UMAD1: variants seen among roughly 807,000 people sequenced by gnomAD.
UMAD1 encodes UBAP1-MVB12-associated (UMA)-domain containing protein 1.
UMAD1 carries 8 observed loss-of-function variants against 6.1 expected under a neutral mutation model. The observed-to-expected ratio is 1.30, with a 90% CI of 0.76 to 2.35. The LOEUF (loss-of-function observed/expected upper bound fraction) is 2.35. Ranked by LOEUF, UMAD1 falls within the 30% of genes most tolerant of loss-of-function variation. UMAD1 has a pLI of 0.00. For synonymous variants in UMAD1, 56 were observed against 31.4 expected, an observed-to-expected ratio of 1.78 and a Z score of -2.61; for missense variants, 130 against 78.4, an observed-to-expected ratio of 1.66 and a Z score of -2.49.
chr7:7,859,810 T>C (rs1440671298), intron 3 of UMAD1, among the ~76,000 whole-genome samples: 2 of 152,240 alleles, frequency 1.3e-5, no homozygotes, highest in Non-Finnish European at 2.9e-5. Flanking sequence ...CCTTAAGAAT[T>C]GATTATCCAT....
intron 2 of UMAD1, among the ~76,000 whole-genome samples, chr7:7,770,825 A>G (rs964788490): frequency 9.2e-5 from 14 of 152,136 alleles, no homozygotes; most frequent in African/African-American, 3.1e-4. Flanking sequence ...GTTGAGGTGA[A>G]CTGCTCTTGG....
chr7:7,877,250 G>A (rs1319261385), intron 3 of UMAD1, 31 bp from the exon 4 acceptor site: 1 of 702,456 alleles, frequency 1.4e-6, no homozygotes, highest in African/African-American at 1.8e-5. Context: ...AGTTCACAAG[G>A]CCTAAATGTT....
At chr7:7,710,830 C>G (rs1780739702) in intron 2 of UMAD1, among the ~76,000 whole-genome samples, 1 of 152,108 alleles carries the variant, frequency 6.6e-6, no homozygotes, top group Non-Finnish European at 1.5e-5. Flanking sequence ...TATGGTATAT[C>G]TATATCATGG....
chr7:7,736,757 A>G (rs149768170), intron 2 of UMAD1: 43 of 152,350 alleles, frequency 2.8e-4, no homozygotes, highest in African/African-American at 1.0e-3. Context: ...CAACAGACTC[A>G]TTGGTCCATG....
At chr7:7,807,737 G>A (rs997567200) in intron 3 of UMAD1, among the ~76,000 whole-genome samples, 1 of 152,096 alleles carries the variant, frequency 6.6e-6, no homozygotes, top group African/African-American at 2.4e-5. Context: ...AGTAATTTGA[G>A]AGACTTTGCA....
intron 2 of UMAD1, among the ~76,000 whole-genome samples, chr7:7,734,100 C>G (rs1255500265): frequency 6.6e-6 from 1 of 151,982 alleles, no homozygotes; most frequent in African/African-American, 2.4e-5. Context: ...TGTTTTTGAT[C>G]AATGTCATTA....
At chr7:7,734,406 G>GA (rs1487162986) in intron 2 of UMAD1, among the ~76,000 whole-genome samples, 2 of 151,998 alleles carry the variant, frequency 1.3e-5, no homozygotes, top group African/African-American at 4.8e-5. Flanking sequence ...CTTTAGGTTT[G>GA]AAACCTTAAG....
intron 2 of UMAD1, among the ~76,000 whole-genome samples, chr7:7,740,087 T>C (rs2115204066): frequency 6.6e-6 from 1 of 152,382 alleles, no homozygotes; most frequent in Non-Finnish European, 1.5e-5. Context: ...GGATTGCTAC[T>C]GCTTTCAAGG....
intron 3 of UMAD1, among the ~76,000 whole-genome samples, chr7:7,865,424 T>C (rs149374912): frequency 3.9e-5 from 6 of 152,222 alleles, no homozygotes; most frequent in East Asian, 1.9e-4. Flanking sequence ...CTAAAAACAA[T>C]ATAGACCCAC....
At chr7:7,739,515 C>A (rs1781422060) in intron 2 of UMAD1, among the ~76,000 whole-genome samples, 1 of 152,108 alleles carries the variant, frequency 6.6e-6, no homozygotes, top group Admixed American at 6.5e-5. Context: ...ACCTCAGCAC[C>A]TTTGCTGTCT....
intron 1 of UMAD1, among the ~76,000 whole-genome samples, chr7:7,668,250 G>A (rs1237170493): frequency 1.3e-5 from 2 of 152,228 alleles, no homozygotes; most frequent in East Asian, 3.9e-4. Context: ...GTGAATAATT[G>A]TGTATACCTG....
chr7:7,856,613 A>G lies in UMAD1; in HGVS notation c.157-20668A>G, dbSNP rs568465490. Among the ~76,000 whole-genome samples the G allele has an allele frequency of 2.6e-5, 4 of 152,156 alleles. No homozygotes were observed. In the South Asian group the frequency reaches 8.3e-4, roughly 32 times the overall value. The stretch of plus-strand genomic sequence containing the variant: ...GGGTGTGTTTTTTTTCTTTTTATGA[A>G]AGGGTATTGGATATTTTTCATATGT... On this transcript the variant is annotated intron_variant, in intron 3 of 3. Coordinates refer to ENST00000682710, the MANE Select transcript of UMAD1 (RefSeq NM_001302348.2).
At chr7:7,664,314 T>C (rs1230294586) in intron 1 of UMAD1, among the ~76,000 whole-genome samples, 1 of 152,212 alleles carries the variant, frequency 6.6e-6, no homozygotes, top group Non-Finnish European at 1.5e-5. Context: ...TCAGTACAAC[T>C]GTCTTAACTT....
intron 2 of UMAD1, among the ~76,000 whole-genome samples, chr7:7,754,226 G>T (rs1224670015): frequency 1.3e-5 from 2 of 151,904 alleles, no homozygotes; most frequent in African/African-American, 4.8e-5. Flanking sequence ...AAAAAAAACA[G>T]TGTACAGGGG....
At chr7:7,647,790 A>G (rs1007613012) in intron 1 of UMAD1, among the ~76,000 whole-genome samples, 1 of 152,116 alleles carries the variant, frequency 6.6e-6, no homozygotes, top group Admixed American at 6.5e-5. Context: ...TCTTTTGTAG[A>G]GACGGGTTCT....
At chr7:7,802,324 G>A (rs1782818425) in intron 3 of UMAD1, among the ~76,000 whole-genome samples, 1 of 151,702 alleles carries the variant, frequency 6.6e-6, no homozygotes, top group East Asian at 1.9e-4. Flanking sequence ...GTTGCAGTGA[G>A]CCTAGATCGC....
chr7:7,744,387 G>C (rs576451450), intron 2 of UMAD1, among the ~76,000 whole-genome samples: 7 of 152,096 alleles, frequency 4.6e-5, no homozygotes, highest in African/African-American at 1.4e-4. Flanking sequence ...GAACATTTGT[G>C]TACAGGCTTT....
intron 2 of UMAD1, among the ~76,000 whole-genome samples, chr7:7,794,910 C>T (rs1017623433): frequency 2.6e-5 from 4 of 152,110 alleles, no homozygotes; most frequent in African/African-American, 7.2e-5. Flanking sequence ...TACCTGAAGG[C>T]GTCATCTACT....
chr7:7,795,627 A>G (rs1444864081), intron 2 of UMAD1, among the ~76,000 whole-genome samples: 1 of 152,186 alleles, frequency 6.6e-6, no homozygotes, highest in African/African-American at 2.4e-5. Flanking sequence ...TATGCTAAAC[A>G]AGGATGGGTT....
Sources: allele counts gnomAD v4.1 joint callset (sites outside exome capture counted in the v4.1 genomes callset), GRCh38; gene constraint gnomAD v4.1.1; transcripts MANE v1.5; gene names NCBI Gene and HGNC (gene_info 2026-07-23, HGNC 2026-07-21).